The following FAM168A variants were observed in gnomAD, a reference collection of about 807,000 sequenced individuals.
FAM168A encodes protein FAM168A.
Under a neutral mutation model 28.5 loss-of-function variants are expected in FAM168A, and 3 were observed. That is an observed-to-expected ratio of 0.11 (90% CI 0.05 to 0.27). The LOEUF (loss-of-function observed/expected upper bound fraction) is 0.27. Ranked by LOEUF, FAM168A falls within the 10% of genes least tolerant of loss-of-function variation. The probability of loss-of-function intolerance (pLI) is 1.00; values close to 1 mark genes in which losing one functional copy is unlikely to be tolerated. For synonymous variants in FAM168A, 122 were observed against 124.2 expected, an observed-to-expected ratio of 0.98 and a Z score of 0.12; for missense variants, 222 against 311.5, an observed-to-expected ratio of 0.71 and a Z score of 2.16.
intron 1 of FAM168A, among the ~76,000 whole-genome samples, chr11:73,499,405 C>T (rs1430074289): frequency 6.6e-6 from 1 of 152,106 alleles, no homozygotes; most frequent in Non-Finnish European, 1.5e-5. Context: ...GACAAACTCA[C>T]AAAGATGAGA....
At chr11:73,568,395 T>TATA (rs2134715692) in intron 1 of FAM168A, among the ~76,000 whole-genome samples, 1 of 152,342 alleles carries the variant, frequency 6.6e-6, no homozygotes, top group South Asian at 2.1e-4. Flanking sequence ...TTTACCTGAA[T>TATA]ATAACAATCT....
intron 1 of FAM168A, among the ~76,000 whole-genome samples, chr11:73,567,965 C>T (rs1944041726): frequency 6.6e-6 from 1 of 152,164 alleles, no homozygotes; most frequent in African/African-American, 2.4e-5. Flanking sequence ...CTTGTTTGAG[C>T]CACTGAATGT....
At chr11:73,584,120 A>G (rs1944280676) in intron 1 of FAM168A, among the ~76,000 whole-genome samples, 1 of 152,124 alleles carries the variant, frequency 6.6e-6, no homozygotes, top group African/African-American at 2.4e-5. Flanking sequence ...GTACCTCCTC[A>G]ATGATGATTG....
chr11:73,426,703 CTGTGTGTGTGTGTGTG>C (rs34499254), intron 3 of FAM168A, among the ~76,000 whole-genome samples: 2 of 144,204 alleles, frequency 1.4e-5, no homozygotes. Flanking sequence ...CCAAAATATG[CTGTGTGTGTGTGTGTG>C]TGTGTGTGTG....
At chr11:73,573,036 G>A (rs1012869370) in intron 1 of FAM168A, among the ~76,000 whole-genome samples, 5 of 152,082 alleles carry the variant, frequency 3.3e-5, no homozygotes, top group South Asian at 2.1e-4. Context: ...CATTCTAGCC[G>A]GTGGAAGCAG....
At chr11:73,480,473 G>A (rs912594332) in intron 1 of FAM168A, among the ~76,000 whole-genome samples, 2 of 151,350 alleles carry the variant, frequency 1.3e-5, no homozygotes, top group African/African-American at 2.4e-5. Flanking sequence ...ACAAGTACTC[G>A]GACCTTACTA....
chr11:73,584,028 T>A (rs886782604), intron 1 of FAM168A, among the ~76,000 whole-genome samples: 2 of 152,190 alleles, frequency 1.3e-5, no homozygotes, highest in Admixed American at 1.3e-4. Flanking sequence ...TTATACAGCC[T>A]GATCAAAATG....
At chr11:73,533,742 A>G (rs1590838328) in intron 1 of FAM168A, among the ~76,000 whole-genome samples, 2 of 152,346 alleles carry the variant, frequency 1.3e-5, no homozygotes, top group East Asian at 1.9e-4. Flanking sequence ...TTGAACCTCA[A>G]GAAAGATTCA....
chr11:73,538,873 A>T (rs944111183), intron 1 of FAM168A, among the ~76,000 whole-genome samples: 2 of 152,194 alleles, frequency 1.3e-5, no homozygotes, highest in African/African-American at 4.8e-5. Context: ...ACATTCATCT[A>T]GATTTTTCTA....
chr11:73,530,158 C>T (rs75227063), intron 1 of FAM168A, among the ~76,000 whole-genome samples: 12,449 of 152,112 alleles, frequency 0.082, 1,547 homozygotes, highest in African/African-American at 0.27. Flanking sequence ...GGAGACAAAT[C>T]AGACTGTTCC....
intron 1 of FAM168A, among the ~76,000 whole-genome samples, chr11:73,593,108 T>C (rs1483219019): frequency 6.6e-6 from 1 of 152,184 alleles, no homozygotes; most frequent in Non-Finnish European, 1.5e-5. Context: ...TTTAGGGATA[T>C]GCACATATTT....
intron 1 of FAM168A, among the ~76,000 whole-genome samples, chr11:73,516,895 A>G (rs1414020592): frequency 2.0e-5 from 3 of 152,262 alleles, no homozygotes; most frequent in African/African-American, 7.2e-5. Context: ...AGAAGCAGCA[A>G]TAAACAAAAG....
At chr11:73,504,315 A>G (rs1057443645) in intron 1 of FAM168A, among the ~76,000 whole-genome samples, 10 of 152,200 alleles carry the variant, frequency 6.6e-5, no homozygotes, top group African/African-American at 2.4e-4. Context: ...CAAGAAAAAA[A>G]CAAGCAACTC....
At chr11:73,512,354 G>A (rs2134638935) in intron 1 of FAM168A, among the ~76,000 whole-genome samples, 1 of 152,188 alleles carries the variant, frequency 6.6e-6, no homozygotes, top group African/African-American at 2.4e-5. Flanking sequence ...TCCAAAAGAG[G>A]CAAATCCATA....
intron 1 of FAM168A, among the ~76,000 whole-genome samples, chr11:73,532,178 T>C (rs1313179565): frequency 1.3e-5 from 2 of 152,116 alleles, no homozygotes; most frequent in Non-Finnish European, 2.9e-5. Context: ...TGGGCAAAAT[T>C]AATGATTATC....
intron 1 of FAM168A, among the ~76,000 whole-genome samples, chr11:73,529,932 G>A (rs1223959765): frequency 2.6e-5 from 4 of 151,422 alleles, no homozygotes; most frequent in Non-Finnish European, 2.9e-5. Context: ...GATTACAGGC[G>A]CCCGGCACCA....
At chr11:73,530,062 C>T (rs1363921328) in intron 1 of FAM168A, among the ~76,000 whole-genome samples, 1 of 152,214 alleles carries the variant, frequency 6.6e-6, no homozygotes, top group East Asian at 1.9e-4. Context: ...GCCAGGATTA[C>T]AGGCATGAGC....
At chr11:73,479,490 G>C (rs1867938871) in intron 1 of FAM168A, among the ~76,000 whole-genome samples, 1 of 152,110 alleles carries the variant, frequency 6.6e-6, no homozygotes, top group African/African-American at 2.4e-5. Context: ...AAAACATTCA[G>C]AAAATATCAA....
chr11:73,544,690 ATTTTATATG>A (rs60524448), intron 1 of FAM168A, among the ~76,000 whole-genome samples: 1 of 124,000 alleles, frequency 8.1e-6, no homozygotes, highest in East Asian at 2.2e-4. Flanking sequence ...ATAATTATAT[ATTTTATATG>A]TAATTATATA....
Sources: gnomAD v4.1 joint callset for allele counts (sites outside exome capture counted in the v4.1 genomes callset) on GRCh38, gnomAD v4.1.1 for gene constraint, MANE v1.5 for transcripts, NCBI Gene and HGNC (gene_info 2026-07-23, HGNC 2026-07-21) for gene names.